VGLL3: variants seen among roughly 807,000 people sequenced by gnomAD.
The protein encoded by VGLL3 is vestigial like family member 3, also known as transcription cofactor vestigial-like protein 3.
In VGLL3, 18 loss-of-function variants were observed where a neutral mutation model predicts 29.2. The observed-to-expected ratio is 0.62, with a 90% CI of 0.43 to 0.91. The LOEUF (loss-of-function observed/expected upper bound fraction) is 0.91, where lower values mean the gene tolerates loss of function less well. Ranked by LOEUF, VGLL3 falls within the 40% of genes least tolerant of loss-of-function variation. VGLL3 has a pLI of 0.00. For missense variants in VGLL3, 440 were observed against 413.2 expected, an observed-to-expected ratio of 1.06 and a Z score of -0.56; for synonymous variants, 180 against 151.8, an observed-to-expected ratio of 1.19 and a Z score of -1.36.
chr3:86,963,383 G>C (rs1704896363), intron 3 of VGLL3, among the ~76,000 whole-genome samples: 1 of 152,110 alleles, frequency 6.6e-6, no homozygotes, highest in African/African-American at 2.4e-5. Context: ...TCCAAAATAA[G>C]AAAATCCACA....
intron 3 of VGLL3, among the ~76,000 whole-genome samples, chr3:86,953,256 C>T (rs1316761446): frequency 6.6e-6 from 1 of 152,150 alleles, no homozygotes; most frequent in African/African-American, 2.4e-5. Flanking sequence ...TACATATATA[C>T]ACATACCACT....
chr3:86,978,763 C>T lies in VGLL3; in HGVS notation c.166G>A (p.Glu56Lys). 1 of 1,613,422 alleles carries T rather than the reference C, an allele frequency of 6.2e-7. No homozygotes were observed. Residue 56 changes from glutamate to lysine, a missense_variant, in exon 2 of 4, where the codon GAA (glutamate) becomes AAA (lysine). Transcript: ENST00000398399. ...TCTTGTTTGCTGGGAAGGGTGACTT[C>T]CAGAGAGTCCTGCATCTTGCTGAAT... ...AVFSKMQDSL[E>K]VTLPSKQEEE...
At chr3:86,958,419 C>A (rs549528830) in intron 3 of VGLL3, among the ~76,000 whole-genome samples, 1 of 152,198 alleles carries the variant, frequency 6.6e-6, no homozygotes, top group Non-Finnish European at 1.5e-5. Context: ...ATTTACACCA[C>A]GTAACTATTT....
Position 86,946,381 on chromosome 3 carries a change from T to C in VGLL3, c.*643A>G, listed in dbSNP as rs965875346. On this transcript the variant is annotated 3_prime_UTR_variant, in exon 4 of 4. Coordinates refer to ENST00000398399, the MANE Select transcript of VGLL3 (RefSeq NM_016206.4). ...GATTCAATGTAAAAACAATACTGCATTGGTTTGACTACGGTATAGCTACTT... is the reference window on the plus strand; with the variant it reads ...GATTCAATGTAAAAACAATACTGCACTGGTTTGACTACGGTATAGCTACTT... 2.0e-5 allele frequency: 3 copies of C among 152,160 alleles called. No homozygotes were observed. Among genetic ancestry groups the C allele is most frequent in the Non-Finnish European group, 4.4e-5 (3 of 68,036 alleles). 9.4% of individuals were successfully genotyped at this position (152,160 alleles called of 1,614,324 possible). A position where few individuals can be genotyped will look rare whatever the true frequency, so the allele number is the denominator to read the frequency against.
intron 3 of VGLL3, among the ~76,000 whole-genome samples, chr3:86,966,752 T>C (rs1199165871): frequency 8.4e-6 from 1 of 119,278 alleles, no homozygotes; most frequent in East Asian, 2.5e-4. Context: ...GTTTAAGAAC[T>C]TAAAGTAATA....
chr3:86,984,465 C>CA (rs377671634), intron 1 of VGLL3, among the ~76,000 whole-genome samples: 2 of 151,980 alleles, frequency 1.3e-5, no homozygotes, highest in African/African-American at 4.8e-5. Context: ...TGATGATGTT[C>CA]AAAAAAATGT....
rs1461615426 is a variant in VGLL3, at chr3:86,990,985, C to G, written c.-242G>C. The G allele has an allele frequency of 5.0e-6, 5 of 1,006,126 alleles. No individual in the cohort carries two copies. Among genetic ancestry groups the G allele is most frequent in the African/African-American group, 3.4e-5 (2 of 58,142 alleles). The allele number at this position is 1,006,126 out of a possible 1,614,324, so 62.3% of individuals were successfully genotyped here. A position where few individuals can be genotyped will look rare whatever the true frequency, so the allele number is the denominator to read the frequency against. On this transcript the variant is annotated 5_prime_UTR_variant, in exon 1 of 4. Transcript: ENST00000398399. The stretch of plus-strand genomic sequence containing the variant: ...TTCAGCCCCTCCGGATGTTCCCTGC[C>G]GCGCTTATATAGCGGCTCAGGGACG...
intron 1 of VGLL3, among the ~76,000 whole-genome samples, chr3:86,987,428 A>G (rs1705471033): frequency 6.6e-6 from 1 of 152,158 alleles, no homozygotes; most frequent in Non-Finnish European, 1.5e-5. Flanking sequence ...TCCATTTTAT[A>G]TGAAGCCCAA....
At chr3:86,953,254 T>C (rs1201669729) in intron 3 of VGLL3, among the ~76,000 whole-genome samples, 1 of 152,182 alleles carries the variant, frequency 6.6e-6, no homozygotes, top group Admixed American at 6.5e-5. Context: ...TCTACATATA[T>C]ACACATACCA....
chr3:86,956,201 C>T (rs1049468002), intron 3 of VGLL3, among the ~76,000 whole-genome samples: 1 of 152,158 alleles, frequency 6.6e-6, no homozygotes, highest in Non-Finnish European at 1.5e-5. Context: ...TTTAGATGCA[C>T]CCCTATATGA....
rs747861491 is a variant in VGLL3, at chr3:86,978,702, T to G, written c.227A>C (p.Asp76Ala). The G allele has an allele frequency of 1.2e-6, 2 of 1,613,896 alleles. No individual in the cohort carries two copies. The highest frequency in any genetic ancestry group is 1.3e-5 in the African/African-American group (1 of 74,896). The change falls in exon 2 of 4, where the codon GAC (aspartate) becomes GCC (alanine). Residue 76 changes from aspartate to alanine, a missense_variant. Physicochemically the swap from Asp to Ala is moderately radical, Grantham distance 126 (BLOSUM62 -2). Coordinates refer to ENST00000398399, the MANE Select transcript of VGLL3 (RefSeq NM_016206.4). Reference sequence around the variant, plus strand: ...AAGGTACTCCATCTCGGCAGGCTGGTCTTTCTCCTCCTCCTCCTCCTCCTC... The same window carrying G: ...AAGGTACTCCATCTCGGCAGGCTGGGCTTTCTCCTCCTCCTCCTCCTCCTC... ...EDEEEEEEEK[D>A]QPAEMEYLNS...
At chr3:86,988,062 A>G (rs1028514997) in intron 1 of VGLL3, among the ~76,000 whole-genome samples, 3 of 152,236 alleles carry the variant, frequency 2.0e-5, no homozygotes, top group African/African-American at 7.2e-5. Flanking sequence ...ATTTTGATAC[A>G]GTAATTAATA....
At chr3:86,975,698 A>T (rs1705194571) in intron 2 of VGLL3, among the ~76,000 whole-genome samples, 1 of 152,210 alleles carries the variant, frequency 6.6e-6, no homozygotes, top group South Asian at 2.1e-4. Context: ...AGCATCAGAA[A>T]AAATGAGGCA....
intron 2 of VGLL3, among the ~76,000 whole-genome samples, chr3:86,976,037 T>A (rs1705203782): frequency 6.6e-6 from 1 of 151,600 alleles, no homozygotes; most frequent in Non-Finnish European, 1.5e-5. Flanking sequence ...TCGCTGGAAC[T>A]GGGGAGGCGG....
At chr3:86,955,782 C>A (rs1335758213) in intron 3 of VGLL3, among the ~76,000 whole-genome samples, 1 of 152,058 alleles carries the variant, frequency 6.6e-6, no homozygotes, top group Non-Finnish European at 1.5e-5. Context: ...AATAGGGCTT[C>A]AATGATTATG....
At chr3:86,966,989 CT>C (rs1202872513) in intron 3 of VGLL3, among the ~76,000 whole-genome samples, 3 of 151,404 alleles carry the variant, frequency 2.0e-5, no homozygotes, top group Non-Finnish European at 4.4e-5. Flanking sequence ...GGCTTTTCAT[CT>C]TGATGAGATT....
chr3:86,983,178 T>C (rs984991928), intron 1 of VGLL3, among the ~76,000 whole-genome samples: 6 of 152,244 alleles, frequency 3.9e-5, no homozygotes, highest in African/African-American at 1.2e-4. Context: ...AACAAAAGTA[T>C]TTTAATGAAT....
At chr3:86,975,353 C>T (rs1350776971) in intron 2 of VGLL3, among the ~76,000 whole-genome samples, 2 of 152,014 alleles carry the variant, frequency 1.3e-5, no homozygotes, top group African/African-American at 4.8e-5. Context: ...CCTATAAATC[C>T]TACACAAGTT....
At chr3:86,984,976 A>G (rs1164850320) in intron 1 of VGLL3, among the ~76,000 whole-genome samples, 1 of 152,208 alleles carries the variant, frequency 6.6e-6, no homozygotes, top group African/African-American at 2.4e-5. Context: ...ACAGATGGGA[A>G]GGGAATTCAA....
Sources: gnomAD v4.1 joint callset for allele counts (sites outside exome capture counted in the v4.1 genomes callset) on GRCh38, gnomAD v4.1.1 for gene constraint, MANE v1.5 for transcripts, NCBI Gene and HGNC (gene_info 2026-07-23, HGNC 2026-07-21) for gene names.